CEP44: variants seen among roughly 807,000 people sequenced by gnomAD.
CEP44 encodes centrosomal protein of 44 kDa.
A neutral mutation model predicts 46.7 loss-of-function variants in CEP44; 45 were observed. That is an observed-to-expected ratio of 0.96 (90% CI 0.76 to 1.24). The LOEUF (loss-of-function observed/expected upper bound fraction) is 1.24. CEP44 is among the 50% of genes most tolerant of loss of function. The pLI, the probability that CEP44 is intolerant of heterozygous loss-of-function variation, is 0.00. For synonymous variants in CEP44, 142 were observed against 146.0 expected (o/e 0.97, Z 0.20); for missense variants, 475 against 459.7 (o/e 1.03, Z -0.30).
intron 3 of CEP44, among the ~76,000 whole-genome samples, chr4:174,299,585 G>T (rs1297818791): frequency 6.6e-6 from 1 of 152,136 alleles, no homozygotes; most frequent in Non-Finnish European, 1.5e-5. Context: ...AGAAGAGATT[G>T]TTGCCATTTC....
intron 4 of CEP44, 38 bp downstream of exon 4, chr4:174,302,224 GAATGA>G: frequency 5.2e-6 from 7 of 1,358,126 alleles, no homozygotes; most frequent in Middle Eastern, 1.8e-4. Context: ...ATTAGTTATT[GAATGA>G]TTTTTAAAAA....
At chr4:174,299,857 G>A (rs879314014) in intron 3 of CEP44, among the ~76,000 whole-genome samples, 6 of 152,086 alleles carry the variant, frequency 3.9e-5, no homozygotes, top group Non-Finnish European at 8.8e-5. Flanking sequence ...TATATAATAT[G>A]GTACTGCAGT....
In CEP44 at chr4:174,328,162, C is replaced by A. The variant is rs1469010795; in HGVS notation, c.1087-3320C>A. 3.3e-5 allele frequency among the ~76,000 whole-genome samples: 5 copies of A among 152,048 alleles called. No homozygotes were observed. The East Asian group carries it at 9.6e-4, about 29-fold the overall frequency. On this transcript the variant is annotated intron_variant, in intron 8 of 8. Transcript: ENST00000426172. ...ATCAATTGGCTCATTAATCTGATGACCAAGGGGGAACTGTAGACAATCCAG... is the reference window on the plus strand; with the variant it reads ...ATCAATTGGCTCATTAATCTGATGAACAAGGGGGAACTGTAGACAATCCAG...
chr4:174,321,308 C>CA (rs1282865668), downstream of CEP44, among the ~76,000 whole-genome samples: 3 of 152,156 alleles, frequency 2.0e-5, no homozygotes, highest in African/African-American at 7.2e-5. Context: ...TAAATATATA[C>CA]AGCTTCTTGC....
chr4:174,305,840 C>T (rs1490554720), intron 6 of CEP44, among the ~76,000 whole-genome samples: 1 of 152,072 alleles, frequency 6.6e-6, no homozygotes, highest in East Asian at 1.9e-4. Flanking sequence ...TTTCAATGTT[C>T]TATTTCAGTA....
chr4:174,304,398 T>A, intron 6 of CEP44, 29 bp downstream of exon 6: 2 of 1,594,728 alleles, frequency 1.3e-6, no homozygotes, highest in South Asian at 1.2e-5. Context: ...AATATCATAT[T>A]GTTTAAGAGT....
At position 174,319,604 on chromosome 4, in the gene CEP44, C is replaced by T. The variant is rs1445174027; in HGVS notation, c.*2221C>T. 1.5e-6 allele frequency: 1 copy of T among 684,346 alleles called. No individual in the cohort carries two copies. Among genetic ancestry groups the T allele is most frequent in the Non-Finnish European group, 1.8e-6 (1 of 555,184 alleles). 42.4% of individuals were successfully genotyped at this position (684,346 alleles called of 1,614,324 possible). On this transcript the variant is annotated 3_prime_UTR_variant, in exon 12 of 12. Coordinates refer to ENST00000503780, the MANE Select transcript of CEP44 (RefSeq NM_001040157.3). Reference sequence around the variant, plus strand: ...CATTTCTAATCTCCTAGTTTATATACAGTGTGCAAAATATAAGTAAGTATA... The same window carrying T: ...CATTTCTAATCTCCTAGTTTATATATAGTGTGCAAAATATAAGTAAGTATA...
chr4:174,315,037 C>T (rs1398977509), intron 9 of CEP44, among the ~76,000 whole-genome samples: 1 of 152,152 alleles, frequency 6.6e-6, no homozygotes, highest in Non-Finnish European at 1.5e-5. Context: ...CAGAGAAAGC[C>T]ATTCTACAGA....
chr4:174,302,163 C>T lies in CEP44; in HGVS notation c.214C>T (p.Arg72Cys), dbSNP rs115721122. Residue 72 changes from arginine (R) to cysteine (C), a missense_variant, in exon 4 of 12, where the codon CGC (arginine) becomes TGC (cysteine). Coordinates refer to ENST00000503780, the MANE Select transcript of CEP44 (RefSeq NM_001040157.3). ...AGAGCTCATAGCAAAAAATGACTTG[C>T]GCTTTATAGATGCTGTCTATAAGGT... ...NVELIAKNDL[R>C]FIDAVYKLLR... 9.1e-4 allele frequency: 1,457 copies of T among 1,602,930 alleles called. 7 individuals are homozygous for T. In the African/African-American group the frequency reaches 0.016, roughly 17 times the overall value.
chr4:174,320,704 A>ATGTGTGTGTGTGTCTGTGTATGTGTG (rs1742252383), downstream of CEP44, among the ~76,000 whole-genome samples: 1 of 125,242 alleles, frequency 8.0e-6, no homozygotes. Flanking sequence ...GTGTGTGTGT[A>ATGTGTGTGTGTGTCTGTGTATGTGTG]TGTGTGTGTG....
chr4:174,328,736 T>G (rs554338011), intron 8 of CEP44, among the ~76,000 whole-genome samples: 2 of 152,300 alleles, frequency 1.3e-5, no homozygotes, highest in Admixed American at 1.3e-4. Context: ...CCATAACACT[T>G]TGACATATAT....
intron 5 of CEP44, 25 bp from the exon 6 acceptor site, chr4:174,304,222 T>A: frequency 6.4e-7 from 1 of 1,565,332 alleles, no homozygotes; most frequent in Non-Finnish European, 8.6e-7. Context: ...AAATTTGTTA[T>A]TTTGACTAAT....
chr4:174,331,704 G>C lies in CEP44; in HGVS notation c.*109G>C. 7.2e-7 allele frequency: 1 copy of C among 1,397,636 alleles called. No homozygotes were observed. The allele number at this position is 1,397,636 out of a possible 1,614,324, so 86.6% of individuals were successfully genotyped here. ...TGCCTGGAAACCAGCTTCCTCCTCA[G>C]CTCCAGCTCTTTTAATGGGCATATC... On this transcript the variant is annotated 3_prime_UTR_variant, in exon 9 of 9. Coordinates refer to the CEP44 transcript ENST00000426172. The surrounding 1 kb of genome is among the most constrained non-coding windows in gnomAD (Gnocchi z 4.5).
chr4:174,311,239 A>G lies in CEP44; in HGVS notation c.961+381A>G, dbSNP rs1741045836. Among the ~76,000 whole-genome samples the G allele has an allele frequency of 6.6e-6, 1 of 152,052 alleles. No homozygotes were observed. The stretch of plus-strand genomic sequence containing the variant: ...TGTAAGAGAAGAAAACACATTTGTC[A>G]GTATCTATAAAGTATTGCAAACTTC... On this transcript the variant is annotated intron_variant, in intron 9 of 11. Transcript: ENST00000503780. The surrounding 1 kb of genome is among the most constrained non-coding windows in gnomAD (Gnocchi z 4.4).
chr4:174,285,590 A>G (rs1737495273), intron 1 of CEP44: 1 of 152,220 alleles, frequency 6.6e-6, no homozygotes, highest in Non-Finnish European at 1.5e-5. Flanking sequence ...AAGATATCAT[A>G]AAGTGTTACG....
chr4:174,313,237 A>T (rs1741290789), intron 9 of CEP44, among the ~76,000 whole-genome samples: 1 of 152,018 alleles, frequency 6.6e-6, no homozygotes, highest in African/African-American at 2.4e-5. Flanking sequence ...ACCTCATGTG[A>T]TGTTCTTTTT....
At chr4:174,328,743 A>G (rs1228921189) in intron 8 of CEP44, among the ~76,000 whole-genome samples, 2 of 152,230 alleles carry the variant, frequency 1.3e-5, no homozygotes, top group African/African-American at 4.8e-5. Context: ...ACTTTGACAT[A>G]TATAAAAGAT....
In CEP44 at chr4:174,311,571, CT is replaced by C. The variant is rs1371984703; in HGVS notation, c.961+714del. 6.6e-6 allele frequency among the ~76,000 whole-genome samples: 1 copy of C among 152,090 alleles called. No homozygotes were observed. Among genetic ancestry groups the C allele is most frequent in the Non-Finnish European group, 1.5e-5 (1 of 67,978 alleles). On this transcript the variant is annotated intron_variant, in intron 9 of 11. Transcript: ENST00000503780. This position sits in a 1 kb window ranked among gnomAD's most constrained non-coding sequence, Gnocchi z 4.4. ...GTTAACGTTATAAAATCTTTCAGCT[CT>C]ACTATATGTGTAACAATAAAATAAT...
chr4:174,331,699 C>T lies in CEP44; in HGVS notation c.*104C>T, dbSNP rs753067856. 9.7e-5 allele frequency: 138 copies of T among 1,425,376 alleles called. No homozygotes were observed. Among genetic ancestry groups the T allele is most frequent in the Non-Finnish European group, 1.2e-4 (129 of 1,072,550 alleles). 88.3% of individuals were successfully genotyped at this position (1,425,376 alleles called of 1,614,324 possible). ...AATTCTGCCTGGAAACCAGCTTCCT[C>T]CTCAGCTCCAGCTCTTTTAATGGGC... On this transcript the variant is annotated 3_prime_UTR_variant, in exon 9 of 9. Coordinates refer to the CEP44 transcript ENST00000426172. This position sits in a 1 kb window ranked among gnomAD's most constrained non-coding sequence, Gnocchi z 4.5.
Sources: gnomAD v4.1 joint callset for allele counts (sites outside exome capture counted in the v4.1 genomes callset) on GRCh38, gnomAD v4.1.1 for gene constraint, Gnocchi (gnomAD v3.1) non-coding constraint, MANE v1.5 for transcripts, NCBI Gene and HGNC (gene_info 2026-07-23, HGNC 2026-07-21) for gene names.